The following GPR137B variants were observed in gnomAD, a reference collection of about 807,000 sequenced individuals.
The protein encoded by GPR137B is G protein-coupled receptor 137B.
A neutral mutation model predicts 42.5 loss-of-function variants in GPR137B; 42 were observed. That is an observed-to-expected ratio of 0.99 (90% CI 0.77 to 1.28). The LOEUF is 1.28. Ranked by LOEUF, GPR137B falls within the 50% of genes most tolerant of loss-of-function variation. GPR137B has a pLI of 0.00. For synonymous variants in GPR137B, 218 were observed against 209.7 expected (o/e 1.04, Z -0.34); for missense variants, 487 against 493.9 (o/e 0.99, Z 0.13).
At chr1:236,174,737 C>T (rs1662634988) in intron 2 of GPR137B, among the ~76,000 whole-genome samples, 1 of 152,084 alleles carries the variant, frequency 6.6e-6, no homozygotes, top group South Asian at 2.1e-4. Flanking sequence ...GTTCTAGCTA[C>T]TCAGGAGGCT....
At chr1:236,160,456 C>A (rs543460851) in intron 1 of GPR137B, among the ~76,000 whole-genome samples, 1 of 152,208 alleles carries the variant, frequency 6.6e-6, no homozygotes, top group South Asian at 2.1e-4. Flanking sequence ...CAGACCCCTC[C>A]TTGCTGCCTC....
intron 5 of GPR137B, among the ~76,000 whole-genome samples, chr1:236,201,211 C>G (rs1388635304): frequency 5.3e-5 from 8 of 151,850 alleles, no homozygotes; most frequent in Non-Finnish European, 2.9e-5. Flanking sequence ...TGTTAAACAG[C>G]TTTTAAAATT....
chr1:236,146,550 C>T (rs561056149), intron 1 of GPR137B, among the ~76,000 whole-genome samples: 45 of 152,276 alleles, frequency 3.0e-4, no homozygotes, highest in African/African-American at 1.1e-3. Flanking sequence ...CCCTGGTGAC[C>T]CAGAGGGTAC....
intron 1 of GPR137B, among the ~76,000 whole-genome samples, chr1:236,161,976 G>A (rs1473876835): frequency 6.6e-6 from 1 of 151,826 alleles, no homozygotes; most frequent in African/African-American, 2.4e-5. Flanking sequence ...AAGCAACTTT[G>A]GAACTGGGTA....
chr1:236,195,969 G>A (rs1663320377), intron 5 of GPR137B, among the ~76,000 whole-genome samples: 1 of 151,928 alleles, frequency 6.6e-6, no homozygotes, highest in African/African-American at 2.4e-5. Context: ...CTAATATTCT[G>A]GTTGTTAATC....
chr1:236,207,119 A>T, intron 6 of GPR137B: 1 of 984,156 alleles, frequency 1.0e-6, no homozygotes, highest in South Asian at 4.7e-5. Flanking sequence ...CTCTGAAAAG[A>T]GTCCTTGTTT....
intron 1 of GPR137B, among the ~76,000 whole-genome samples, chr1:236,160,899 T>G (rs73121091): frequency 0.011 from 1,563 of 147,874 alleles, 31 homozygotes; most frequent in African/African-American, 0.035. Flanking sequence ...CTACTCTTAG[T>G]TTTTTTTTTG....
chr1:236,167,144 G>A (rs1662383823), intron 1 of GPR137B, among the ~76,000 whole-genome samples: 1 of 152,128 alleles, frequency 6.6e-6, no homozygotes, highest in African/African-American at 2.4e-5. Flanking sequence ...TGACAAAGAC[G>A]GAATATATTC....
At chr1:236,159,529 C>T (rs934997753) in intron 1 of GPR137B, among the ~76,000 whole-genome samples, 17 of 151,550 alleles carry the variant, frequency 1.1e-4, no homozygotes, top group African/African-American at 4.1e-4. Context: ...AAAAATGAGC[C>T]AGGCATGGTG....
chr1:236,152,417 G>C (rs1415095843), intron 1 of GPR137B, among the ~76,000 whole-genome samples: 1 of 151,858 alleles, frequency 6.6e-6, no homozygotes, highest in African/African-American at 2.4e-5. Flanking sequence ...AGCTGAGATC[G>C]CACCACTGCA....
Position 236,156,180 on chromosome 1 carries a change from G to A in GPR137B, c.415-12526G>A, listed in dbSNP as rs1032657311. ...GTGGGAAGAAGCTCACTGAAGTCTG[G>A]GGGGCCCACATTCCAAGGGCCAGCA... On this transcript the variant is annotated intron_variant, in intron 1 of 6. Coordinates refer to ENST00000366592, the MANE Select transcript of GPR137B (RefSeq NM_003272.4). The surrounding 1 kb of genome is among the most constrained non-coding windows in gnomAD (Gnocchi z 4.8). 6.6e-6 allele frequency among the ~76,000 whole-genome samples: 1 copy of A among 152,164 alleles called. No individual in the cohort carries two copies. The highest frequency in any genetic ancestry group is 1.9e-4 in the East Asian group (1 of 5,184).
chr1:236,170,522 A>G (rs527284615), intron 2 of GPR137B, among the ~76,000 whole-genome samples: 2 of 152,092 alleles, frequency 1.3e-5, no homozygotes, highest in Admixed American at 6.6e-5. Context: ...TACGTGGCTC[A>G]GTTCACGTCT....
chr1:236,198,425 C>T (rs1367005270), intron 5 of GPR137B, among the ~76,000 whole-genome samples: 3 of 151,834 alleles, frequency 2.0e-5, no homozygotes, highest in Admixed American at 6.6e-5. Flanking sequence ...AGGCTGGTCT[C>T]GAACTACTGA....
intron 1 of GPR137B, among the ~76,000 whole-genome samples, chr1:236,167,476 A>AGTACAGTG (rs1553362706): frequency 2.6e-5 from 4 of 152,052 alleles, no homozygotes; most frequent in African/African-American, 9.7e-5. Context: ...AGAAACAGAG[A>AGTACAGTG]GTACAGTGGT....
chr1:236,160,334 C>G (rs1040504440), intron 1 of GPR137B, among the ~76,000 whole-genome samples: 2 of 152,150 alleles, frequency 1.3e-5, no homozygotes, highest in African/African-American at 4.8e-5. Context: ...CCATTCAGTT[C>G]CTGATCGGGT....
At chr1:236,176,305 C>T (rs1452015008) in intron 2 of GPR137B, among the ~76,000 whole-genome samples, 1 of 152,188 alleles carries the variant, frequency 6.6e-6, no homozygotes, top group Non-Finnish European at 1.5e-5. Context: ...CTTCACAGCG[C>T]TCTCCATCAT....
chr1:236,147,164 A>G (rs1275483750), intron 1 of GPR137B, among the ~76,000 whole-genome samples: 1 of 152,198 alleles, frequency 6.6e-6, no homozygotes, highest in Non-Finnish European at 1.5e-5. Flanking sequence ...ACACTGTCCA[A>G]GGCCAGCCAG....
intron 5 of GPR137B, among the ~76,000 whole-genome samples, chr1:236,197,340 T>G (rs1240437745): frequency 6.6e-6 from 1 of 152,254 alleles, no homozygotes; most frequent in Admixed American, 6.5e-5. Flanking sequence ...ATGACTTGTC[T>G]GTTTACTCTG....
Position 236,142,572 on chromosome 1 carries a change from G to C in GPR137B, c.-51G>C. 11 of 1,102,182 alleles carry C rather than the reference G, an allele frequency of 1.0e-5. No individual in the cohort carries two copies. Among genetic ancestry groups the C allele is most frequent in the Non-Finnish European group, 1.3e-5 (11 of 855,930 alleles). The allele number at this position is 1,102,182 out of a possible 1,614,324, so 68.3% of individuals were successfully genotyped here. ...TCCTCCAGTCTCGGGGCTGCAGGCT[G>C]AGCGCGATGCGCGGAGACCCCCGCG... is the stretch of plus-strand genomic sequence containing the variant. On this transcript the variant is annotated 5_prime_UTR_variant, in exon 1 of 7. Transcript: ENST00000366592.
Sources: gnomAD v4.1 joint callset for allele counts (sites outside exome capture counted in the v4.1 genomes callset) on GRCh38, gnomAD v4.1.1 for gene constraint, Gnocchi (gnomAD v3.1) non-coding constraint, MANE v1.5 for transcripts, NCBI Gene and HGNC (gene_info 2026-07-23, HGNC 2026-07-21) for gene names.